The following ZNF346 variants were observed in gnomAD, a reference collection of about 807,000 sequenced individuals.
The protein encoded by ZNF346 is zinc finger protein 346.
Under a neutral mutation model 33.7 loss-of-function variants are expected in ZNF346, and 23 were observed. The ratio of observed to expected loss-of-function variants is 0.68; its 90% CI spans 0.49 to 0.97. The LOEUF is 0.97. Ranked by LOEUF, ZNF346 falls within the 50% of genes least tolerant of loss-of-function variation. The pLI is 0.00. For synonymous variants in ZNF346, 134 were observed against 142.4 expected (o/e 0.94, Z 0.42); for missense variants, 340 against 371.1 (o/e 0.92, Z 0.69).
At chr5:177,032,203 T>C (rs13354390) in intron 1 of ZNF346, among the ~76,000 whole-genome samples, 21,711 of 151,646 alleles carry the variant, frequency 0.14, 3,338 homozygotes, top group African/African-American at 0.38. Flanking sequence ...GGAGTTTCAC[T>C]ATGTTGGTCA....
chr5:177,036,240 A>G (rs1345849026), intron 1 of ZNF346, among the ~76,000 whole-genome samples: 2 of 152,146 alleles, frequency 1.3e-5, no homozygotes, highest in Non-Finnish European at 2.9e-5. Flanking sequence ...GATGCATGAA[A>G]TAGTCTGGGG....
At chr5:177,073,051 A>T (rs1783580361) in intron 8 of ZNF346, among the ~76,000 whole-genome samples, 1 of 152,206 alleles carries the variant, frequency 6.6e-6, no homozygotes. Flanking sequence ...GTGTTCCCAG[A>T]TGCCCTGTGT....
chr5:177,028,494 T>TCATATATATATA (rs1554142595), intron 1 of ZNF346, among the ~76,000 whole-genome samples: 1 of 46,008 alleles, frequency 2.2e-5, no homozygotes, highest in African/African-American at 5.8e-5. Context: ...ACTTGTGACG[T>TCATATATATATA]TTTATATATA....
At chr5:177,036,508 A>C (rs953204501) in intron 1 of ZNF346, among the ~76,000 whole-genome samples, 4 of 151,994 alleles carry the variant, frequency 2.6e-5, no homozygotes, top group African/African-American at 9.7e-5. Flanking sequence ...TTTGAGATCT[A>C]CCCTTCCCAC....
At chr5:177,041,697 A>G in intron 2 of ZNF346, 81 bp from the exon 3 acceptor site, 1 of 898,090 alleles carries the variant, frequency 1.1e-6, no homozygotes, top group African/African-American at 1.7e-5. Flanking sequence ...GAATCAGATG[A>G]AAATCTCATA....
rs1783146038 is a variant in ZNF346, at chr5:177,066,162, T to C, written c.*1563T>C. The stretch of plus-strand genomic sequence containing the variant: ...GTGCCCTGAACTCAGTACAGCCTCA[T>C]CTTCTCATCCACCACCTTCTCCTGC... On this transcript the variant is annotated 3_prime_UTR_variant, in exon 7 of 7. Transcript: ENST00000358149. 6.6e-6 allele frequency among the ~76,000 whole-genome samples: 1 copy of C among 150,720 alleles called. No individual in the cohort carries two copies.
chr5:177,034,038 T>C (rs10075183), intron 1 of ZNF346, among the ~76,000 whole-genome samples: 21,709 of 151,156 alleles, frequency 0.14, 3,337 homozygotes, highest in African/African-American at 0.39. Context: ...TGCACCACCA[T>C]ACCCAGCTAA....
At chr5:177,050,714 C>T (rs760310620) in intron 4 of ZNF346, 37 bp from the exon 5 acceptor site, 16 of 1,613,584 alleles carry the variant, frequency 9.9e-6, no homozygotes, top group Admixed American at 5.0e-5. Flanking sequence ...TCTGTCAAAA[C>T]GCCTTACAAA....
intron 5 of ZNF346, among the ~76,000 whole-genome samples, chr5:177,052,124 C>T (rs1269801861): frequency 1.3e-5 from 2 of 151,974 alleles, no homozygotes; most frequent in Middle Eastern, 3.2e-3. Context: ...ATGATTGTGC[C>T]ACTGTATTCC....
At chr5:177,042,989 C>A (rs1036292236) in intron 3 of ZNF346, among the ~76,000 whole-genome samples, 1 of 152,100 alleles carries the variant, frequency 6.6e-6, no homozygotes, top group Non-Finnish European at 1.5e-5. Context: ...GTAGCTGGGA[C>A]TACAGGCACG....
chr5:177,022,860 C>A lies in ZNF346; in HGVS notation c.122C>A (p.Ala41Glu). ...GGGGTGCGCTTTGACCGCGAGAGGGCGCGCCGCCTGTGGGAAGCCGTGTCC... is the reference window on the plus strand; with the variant it reads ...GGGGTGCGCTTTGACCGCGAGAGGGAGCGCCGCCTGTGGGAAGCCGTGTCC... ...PDGVRFDRERARRLWEAVSGA... is the reference protein window; with the variant it reads ...PDGVRFDRERERRLWEAVSGA... Residue 41 changes from alanine (A) to glutamate (E), a missense_variant, in exon 1 of 7, where the codon GCG (alanine) becomes GAG (glutamate). Physicochemically the swap from Ala to Glu is moderately radical, Grantham distance 107. Transcript: ENST00000358149. The A allele has an allele frequency of 6.5e-7, 1 of 1,527,158 alleles. No homozygotes were observed. The highest frequency in any genetic ancestry group is 8.8e-7 in the Non-Finnish European group (1 of 1,136,060). The allele number at this position is 1,527,158 out of a possible 1,614,324, so 94.6% of individuals were successfully genotyped here.
Position 177,051,010 on chromosome 5 carries a change from G to C in ZNF346, c.703+74G>C, listed in dbSNP as rs1489942728. ...GGGGCTACCCGGACCAGCTGACGTTGTGCTTTTCCTCCTTAGGTCTTGTAA... is the reference window on the plus strand; with the variant it reads ...GGGGCTACCCGGACCAGCTGACGTTCTGCTTTTCCTCCTTAGGTCTTGTAA... On this transcript the variant is annotated intron_variant, in intron 5 of 6. Coordinates refer to ENST00000358149, the MANE Select transcript of ZNF346 (RefSeq NM_012279.4). 9 of 1,198,258 alleles carry C rather than the reference G, an allele frequency of 7.5e-6. No homozygotes were observed. In the African/African-American group the frequency reaches 1.2e-4, roughly 16 times the overall value. The allele number at this position is 1,198,258 out of a possible 1,614,324, so 74.2% of individuals were successfully genotyped here.
chr5:177,070,602 T>C (rs1407184573), downstream of ZNF346, among the ~76,000 whole-genome samples: 1 of 152,082 alleles, frequency 6.6e-6, no homozygotes, highest in Non-Finnish European at 1.5e-5. Flanking sequence ...ATTAAAAGAA[T>C]AGGTGGATAT....
At chr5:177,030,323 A>C (rs1777490914) in intron 1 of ZNF346, among the ~76,000 whole-genome samples, 1 of 151,958 alleles carries the variant, frequency 6.6e-6, no homozygotes, top group Non-Finnish European at 1.5e-5. Flanking sequence ...CAGTCCTTTT[A>C]AATGTAGTGC....
intron 4 of ZNF346, among the ~76,000 whole-genome samples, chr5:177,048,727 C>T (rs1780438633): frequency 6.6e-6 from 1 of 151,166 alleles, no homozygotes; most frequent in Non-Finnish European, 1.5e-5. Context: ...TGTTGTTGTT[C>T]TATAAAATTG....
At chr5:177,071,315 G>A (rs1367086979), downstream of ZNF346, among the ~76,000 whole-genome samples, 3 of 151,574 alleles carry the variant, frequency 2.0e-5, no homozygotes, top group East Asian at 1.9e-4. Context: ...CAGGAGGATC[G>A]CTTGAGCCCA....
chr5:177,040,975 C>T, intron 1 of ZNF346, 151 bp from the exon 2 acceptor site: 1 of 654,464 alleles, frequency 1.5e-6, no homozygotes, highest in South Asian at 1.9e-5. Context: ...CAGCATGAGT[C>T]ACGGTGGCAG....
At chr5:177,036,413 C>T (rs1054942686) in intron 1 of ZNF346, among the ~76,000 whole-genome samples, 1 of 152,140 alleles carries the variant, frequency 6.6e-6, no homozygotes, top group African/African-American at 2.4e-5. Context: ...AGATCTTGTT[C>T]TAAACACCTG....
intron 5 of ZNF346, among the ~76,000 whole-genome samples, chr5:177,057,464 T>C (rs637177): frequency 0.58 from 87,637 of 151,642 alleles, 27,032 homozygotes; most frequent in African/African-American, 0.81. Context: ...CAGCCGGGCG[T>C]GGTGGCTCAC....
Sources: gnomAD v4.1 joint callset for allele counts (sites outside exome capture counted in the v4.1 genomes callset) on GRCh38, gnomAD v4.1.1 for gene constraint, MANE v1.5 for transcripts, NCBI Gene and HGNC (gene_info 2026-07-23, HGNC 2026-07-21) for gene names.